The following CCT5 variants were observed in gnomAD, a reference collection of about 807,000 sequenced individuals.
CCT5 encodes chaperonin containing TCP1 subunit 5.
In CCT5, 6 loss-of-function variants were observed where a neutral mutation model predicts 55.0. That is an observed-to-expected ratio of 0.11 (90% CI 0.06 to 0.22). CCT5 has a LOEUF of 0.22. Ranked by LOEUF, CCT5 falls within the 10% of genes least tolerant of loss-of-function variation. The pLI, the probability that CCT5 is intolerant of heterozygous loss-of-function variation, is 1.00. For synonymous variants in CCT5, 231 were observed against 243.7 expected (o/e 0.95, Z 0.49); for missense variants, 560 against 694.6 (o/e 0.81, Z 2.18).
intron 6 of CCT5, among the ~76,000 whole-genome samples, chr5:10,260,008 G>A (rs931054400): frequency 6.6e-6 from 1 of 152,226 alleles, no homozygotes; most frequent in African/African-American, 2.4e-5. Flanking sequence ...TGCCATCTGA[G>A]GAGGGTTGCA....
intron 2 of CCT5, 48 bp downstream of exon 2, chr5:10,254,253 A>C: frequency 7.7e-7 from 1 of 1,290,424 alleles, no homozygotes; most frequent in South Asian, 1.2e-5. Flanking sequence ...TTAAATTATA[A>C]AACTGTCAAT....
chr5:10,250,178 A>T, upstream of CCT5: 3 of 1,542,780 alleles, frequency 1.9e-6, no homozygotes, highest in Non-Finnish European at 2.6e-6. Context: ...CCGATTCCAG[A>T]AGATACTGTC....
intron 1 of CCT5, among the ~76,000 whole-genome samples, chr5:10,251,685 A>C (rs1423167004): frequency 6.6e-6 from 1 of 152,148 alleles, no homozygotes; most frequent in Non-Finnish European, 1.5e-5. Context: ...AGTGATATTA[A>C]ATGGAGTGAC....
At chr5:10,255,922 G>A in intron 3 of CCT5, 33 bp from the exon 4 acceptor site, 2 of 1,600,758 alleles carry the variant, frequency 1.2e-6, no homozygotes, top group South Asian at 2.2e-5. Flanking sequence ...TTTGTTGTTT[G>A]CCTGAACTGA....
rs747317758 is a variant in CCT5, at chr5:10,255,970, T to C, written c.347T>C (p.Leu116Ser). Residue 116 changes from leucine to serine, a missense_variant, in exon 4 of 11, where the codon TTG (leucine) becomes TCG (serine). Physicochemically the swap from Leu to Ser is moderately radical, Grantham distance 145. Around this residue, in one of 4 missense-constraint regions of CCT5, gnomAD observed 137 missense variants for 181.9 expected, o/e 0.75. Transcript: ENST00000280326. ...TTATTTGCAGTCCTGGCTGGTGCCTTGTTAGAAGAAGCGGAGCAATTGCTA... is the reference window on the plus strand; with the variant it reads ...TTATTTGCAGTCCTGGCTGGTGCCTCGTTAGAAGAAGCGGAGCAATTGCTA... ...TTGVVVLAGA[L>S]LEEAEQLLDR... The C allele has an allele frequency of 6.2e-7, 1 of 1,614,186 alleles. No individual in the cohort carries two copies.
chr5:10,251,194 T>TA (rs950590621), intron 1 of CCT5, among the ~76,000 whole-genome samples: 6 of 152,184 alleles, frequency 3.9e-5, no homozygotes, highest in South Asian at 2.1e-4. Context: ...TTCTTTAACT[T>TA]ACAATAGTTC....
intron 10 of CCT5, 32 bp downstream of exon 10, chr5:10,263,346 G>C (rs746728303): frequency 6.3e-7 from 1 of 1,588,368 alleles, no homozygotes; most frequent in African/African-American, 1.4e-5. Context: ...GCGTGGAGGG[G>C]GGGGGATGTC....
In CCT5 at chr5:10,266,386, G is replaced by A. The variant is rs150385942; in HGVS notation, c.*1603G>A. ...TTTATTTGTAATAAACCTCTTCCAC[G>A]TGATGTCTTTTATTTTTCACGTTCC... On this transcript the variant is annotated 3_prime_UTR_variant, in exon 11 of 11. Coordinates refer to ENST00000280326, the MANE Select transcript of CCT5 (RefSeq NM_012073.5). The A allele has an allele frequency of 4.7e-4, 71 of 152,222 alleles. No homozygotes were observed. The highest frequency in any genetic ancestry group is 1.6e-3 in the African/African-American group (67 of 41,518). 9.4% of individuals were successfully genotyped at this position (152,222 alleles called of 1,614,324 possible).
chr5:10,253,184 G>C (rs1013557331), intron 1 of CCT5, among the ~76,000 whole-genome samples: 1 of 152,100 alleles, frequency 6.6e-6, no homozygotes, highest in Non-Finnish European at 1.5e-5. Flanking sequence ...AAAAAAATGA[G>C]CAGGGCGTCA....
In CCT5 at chr5:10,255,891, T is replaced by C. The variant is rs28575482; in HGVS notation, c.332-64T>C. The C allele has an allele frequency of 6.5e-3, 9,163 of 1,413,544 alleles. 509 individuals are homozygous for C. The African/African-American group carries it at 0.11, about 18-fold the overall frequency. The allele number at this position is 1,413,544 out of a possible 1,614,324, so 87.6% of individuals were successfully genotyped here. On this transcript the variant is annotated intron_variant, in intron 3 of 10. Transcript: ENST00000280326. ...TTCCATGATAGCATCTAACTTGTGCTGATTATACTAAAAGTGAAGTTTTGT... is the reference window on the plus strand; with the variant it reads ...TTCCATGATAGCATCTAACTTGTGCCGATTATACTAAAAGTGAAGTTTTGT...
chr5:10,252,477 C>T (rs1276471074), intron 1 of CCT5, among the ~76,000 whole-genome samples: 1 of 151,976 alleles, frequency 6.6e-6, no homozygotes, highest in East Asian at 1.9e-4. Context: ...TGACTGGGCG[C>T]GGTGGCTCAC....
intron 6 of CCT5, among the ~76,000 whole-genome samples, chr5:10,259,008 G>C (rs1745820042): frequency 6.6e-6 from 1 of 152,160 alleles, no homozygotes; most frequent in African/African-American, 2.4e-5. Flanking sequence ...AAATGGTAGT[G>C]TGTTCAGGGT....
At position 10,258,320 on chromosome 5, in the gene CCT5, C is replaced by T; in HGVS notation, c.723+17C>T. ...ATGCCAAAAGTGAGCCATTGCATCTCACAGCTTCGCACTGTTGGTTAACTC... is the reference window on the plus strand; with the variant it reads ...ATGCCAAAAGTGAGCCATTGCATCTTACAGCTTCGCACTGTTGGTTAACTC... On this transcript the variant is annotated intron_variant, in intron 5 of 10. Transcript: ENST00000280326. 6.2e-7 allele frequency: 1 copy of T among 1,614,006 alleles called. No homozygotes were observed. The highest frequency in any genetic ancestry group is 8.5e-7 in the Non-Finnish European group (1 of 1,179,932).
intron 1 of CCT5, among the ~76,000 whole-genome samples, chr5:10,251,674 C>T (rs904242939): frequency 2.6e-5 from 4 of 152,100 alleles, no homozygotes; most frequent in Non-Finnish European, 5.9e-5. Context: ...GAAGACTTGA[C>T]AGTGATATTA....
intron 4 of CCT5, chr5:10,257,779 A>C: frequency 2.7e-6 from 1 of 374,636 alleles, no homozygotes; most frequent in Non-Finnish European, 5.1e-6. Context: ...TATTCTGTAA[A>C]AGTGCTGCAT....
At chr5:10,260,960 T>G in intron 7 of CCT5, 49 bp downstream of exon 7, 7 of 1,602,054 alleles carry the variant, frequency 4.4e-6, no homozygotes, top group Non-Finnish European at 6.0e-6. Context: ...GTTCATCTTA[T>G]GTGTTGAGGG....
At position 10,265,531 on chromosome 5, in the gene CCT5, T is replaced by C. The variant is rs1052353323; in HGVS notation, c.*748T>C. On this transcript the variant is annotated 3_prime_UTR_variant, in exon 11 of 11. Transcript: ENST00000280326. Reference sequence around the variant, plus strand: ...AAATCTTGCAGTTACCATGTTCAGATAGAGTGACTGAAATTAATTGTACTT... The same window carrying C: ...AAATCTTGCAGTTACCATGTTCAGACAGAGTGACTGAAATTAATTGTACTT... 1 of 152,286 alleles carries C rather than the reference T, an allele frequency of 6.6e-6. No individual in the cohort carries two copies. Among genetic ancestry groups the C allele is most frequent in the African/African-American group, 2.4e-5 (1 of 41,454 alleles). The allele number at this position is 152,286 out of a possible 1,614,324, so 9.4% of individuals were successfully genotyped here.
intron 3 of CCT5, 125 bp from the exon 4 acceptor site, chr5:10,255,830 A>G (rs1561046198): frequency 3.5e-6 from 3 of 854,980 alleles, no homozygotes; most frequent in East Asian, 5.3e-5. Flanking sequence ...TTCTGCCTCT[A>G]AGATGACTTG....
chr5:10,250,644 G>A (rs1745340196), intron 1 of CCT5, 199 bp downstream of exon 1: 2 of 1,422,546 alleles, frequency 1.4e-6, no homozygotes, highest in Non-Finnish European at 9.2e-7. Context: ...GGCTCGGAAT[G>A]TGGGGGCCAG....
Sources: allele counts gnomAD v4.1 joint callset (sites outside exome capture counted in the v4.1 genomes callset), GRCh38; gene constraint gnomAD v4.1.1; regional missense constraint gnomAD v4.1.1; transcripts MANE v1.5; gene names NCBI Gene and HGNC (gene_info 2026-07-23, HGNC 2026-07-21).